TBCK: variants seen among roughly 807,000 people sequenced by gnomAD.
The protein encoded by TBCK is TBC1 domain containing kinase.
A neutral mutation model predicts 113.4 loss-of-function variants in TBCK; 99 were observed. The observed-to-expected ratio is 0.87, with a 90% CI of 0.74 to 1.03. The LOEUF (loss-of-function observed/expected upper bound fraction) is 1.03. Ranked by LOEUF, TBCK falls within the 50% of genes least tolerant of loss-of-function variation. The pLI is 0.00. For missense variants in TBCK, 1,045 were observed against 1,061.3 expected, an observed-to-expected ratio of 0.98 and a Z score of 0.21; for synonymous variants, 369 against 370.8, an observed-to-expected ratio of 1.00 and a Z score of 0.05.
chr4:106,107,941 G>A (rs1363933297), intron 24 of TBCK, among the ~76,000 whole-genome samples: 1 of 152,080 alleles, frequency 6.6e-6, no homozygotes, highest in Non-Finnish European at 1.5e-5. Context: ...CTAATGAAAT[G>A]TAACCACTGA....
At chr4:106,216,130 G>A (rs1211642916) in intron 19 of TBCK, among the ~76,000 whole-genome samples, 3 of 152,040 alleles carry the variant, frequency 2.0e-5, no homozygotes, top group Non-Finnish European at 2.9e-5. Context: ...GGTACGTAAC[G>A]AAATGAAGGC....
chr4:106,078,741 C>CA (rs36065351), intron 25 of TBCK, among the ~76,000 whole-genome samples: 2,364 of 143,262 alleles, frequency 0.017, 24 homozygotes, highest in South Asian at 0.036. Context: ...TCTAACTATT[C>CA]AAAAAAAAAA....
chr4:106,170,174 C>G (rs984546987), intron 23 of TBCK, among the ~76,000 whole-genome samples: 31 of 152,078 alleles, frequency 2.0e-4, no homozygotes, highest in Non-Finnish European at 2.9e-5. Flanking sequence ...ATATCTTCAG[C>G]TGAATATTTC....
chr4:106,282,212 T>G (rs1351861927), intron 3 of TBCK, among the ~76,000 whole-genome samples: 1 of 152,128 alleles, frequency 6.6e-6, no homozygotes, highest in Non-Finnish European at 1.5e-5. Flanking sequence ...CATAGAAGTC[T>G]CTAATGATCC....
intron 22 of TBCK, among the ~76,000 whole-genome samples, chr4:106,187,219 G>T (rs538169343): frequency 6.6e-6 from 1 of 151,900 alleles, no homozygotes; most frequent in African/African-American, 2.4e-5. Context: ...TTGGTGATTC[G>T]GGCTCTTTTT....
At chr4:106,287,150 T>G (rs1176887779) in intron 3 of TBCK, among the ~76,000 whole-genome samples, 1 of 152,030 alleles carries the variant, frequency 6.6e-6, no homozygotes, top group Admixed American at 6.6e-5. Context: ...ATGGATAACA[T>G]CAATTTTCAG....
At chr4:106,185,434 A>T (rs7699768) in intron 22 of TBCK, among the ~76,000 whole-genome samples, 20,581 of 151,928 alleles carry the variant, frequency 0.14, 1,651 homozygotes, top group South Asian at 0.24. Context: ...ATCCCTAGAA[A>T]TTATATCTTG....
At chr4:106,209,896 G>T (rs973857589) in intron 20 of TBCK, among the ~76,000 whole-genome samples, 3 of 151,576 alleles carry the variant, frequency 2.0e-5, no homozygotes, top group African/African-American at 7.3e-5. Flanking sequence ...CATTTAATTA[G>T]CTTACATTCT....
At position 106,194,747 on chromosome 4, in the gene TBCK, G is replaced by C; in HGVS notation, c.1868C>G (p.Ala623Gly). The C allele has an allele frequency of 6.3e-7, 1 of 1,583,424 alleles. No homozygotes were observed. Among genetic ancestry groups the C allele is most frequent in the Non-Finnish European group, 8.5e-7 (1 of 1,169,978 alleles). Reference protein sequence around the residue: ...NEIGFIPDLYAIPWFLTMFTH... With the variant: ...NEIGFIPDLYGIPWFLTMFTH... The stretch of plus-strand genomic sequence containing the variant: ...AAACATGGTAAGAAACCAAGGGATG[G>C]CATAGAGCTATGAGTGGAAAAAGGG... Residue 623 changes from alanine to glycine, a missense_variant, in exon 21 of 26, where the codon GCC becomes GGC. By Grantham distance (60) the Ala-to-Gly change is moderately conservative. Transcript: ENST00000394708.
intron 14 of TBCK, among the ~76,000 whole-genome samples, chr4:106,235,963 G>GCATC (rs1398594850): frequency 7.9e-5 from 12 of 151,868 alleles, no homozygotes; most frequent in African/African-American, 2.7e-4. Context: ...CAATATCATT[G>GCATC]CATCTGTGCT....
upstream of TBCK, chr4:106,316,456 G>T (rs1768888231): frequency 7.8e-7 from 1 of 1,278,496 alleles, no homozygotes; most frequent in Non-Finnish European, 1.1e-6. Context: ...AGAAAGAATT[G>T]AGGGTTGAAT....
At chr4:106,237,649 A>G (rs1236852593) in intron 12 of TBCK, 16 of 392,600 alleles carry the variant, frequency 4.1e-5, no homozygotes, top group Non-Finnish European at 8.1e-5. Context: ...TTTAAAGCTT[A>G]AGAAAAATCT....
chr4:106,130,842 G>C (rs1473021207), intron 23 of TBCK, among the ~76,000 whole-genome samples: 1 of 152,044 alleles, frequency 6.6e-6, no homozygotes, highest in Admixed American at 6.6e-5. Context: ...AGATAATTCT[G>C]ATGAAATGTT....
intron 3 of TBCK, among the ~76,000 whole-genome samples, chr4:106,264,593 T>G (rs977291989): frequency 1.3e-5 from 2 of 152,050 alleles, no homozygotes; most frequent in East Asian, 3.9e-4. Flanking sequence ...ATGATAATAA[T>G]GATTAACACA....
At chr4:106,249,413 T>G (rs915707143) in intron 7 of TBCK, among the ~76,000 whole-genome samples, 1 of 152,140 alleles carries the variant, frequency 6.6e-6, no homozygotes, top group African/African-American at 2.4e-5. Context: ...TCTGCATGTA[T>G]GTAGGACCGA....
intron 20 of TBCK, among the ~76,000 whole-genome samples, chr4:106,198,675 A>C (rs1560805744): frequency 2.0e-5 from 3 of 152,118 alleles, no homozygotes; most frequent in Non-Finnish European, 4.4e-5. Context: ...TTTATATTAT[A>C]ATTACCTATC....
chr4:106,311,338 T>C (rs1561008444), intron 1 of TBCK, among the ~76,000 whole-genome samples: 1 of 151,864 alleles, frequency 6.6e-6, no homozygotes, highest in East Asian at 1.9e-4. Context: ...GGTAGGTAAA[T>C]GGTTAAATAA....
intron 19 of TBCK, among the ~76,000 whole-genome samples, chr4:106,223,225 A>C (rs1385077502): frequency 6.6e-6 from 1 of 152,152 alleles, no homozygotes; most frequent in Non-Finnish European, 1.5e-5. Flanking sequence ...AATACAATGC[A>C]CTACCTTTCT....
At chr4:106,087,508 A>G (rs1560624873) in intron 25 of TBCK, among the ~76,000 whole-genome samples, 1 of 152,242 alleles carries the variant, frequency 6.6e-6, no homozygotes, top group African/African-American at 2.4e-5. Context: ...CATACTGCCC[A>G]AAGTAAGTTA....
Sources: allele counts gnomAD v4.1 joint callset (sites outside exome capture counted in the v4.1 genomes callset), GRCh38; gene constraint gnomAD v4.1.1; transcripts MANE v1.5; gene names NCBI Gene and HGNC (gene_info 2026-07-23, HGNC 2026-07-21).